Variants in NTRK2 observed in about 807,000 individuals in gnomAD.
NTRK2 encodes neurotrophic receptor tyrosine kinase 2, also known as BDNF/NT-3 growth factors receptor.
A neutral mutation model predicts 94.5 loss-of-function variants in NTRK2; 13 were observed. The observed-to-expected ratio is 0.14, with a 90% CI of 0.09 to 0.22. The LOEUF is 0.22. Among genes scored for constraint, NTRK2 ranks in the 10% least tolerant of loss-of-function variants. The pLI, the probability that NTRK2 is intolerant of heterozygous loss-of-function variation, is 1.00. For missense variants in NTRK2, 639 were observed against 1,071.2 expected, an observed-to-expected ratio of 0.60 and a Z score of 5.63; for synonymous variants, 372 against 407.4, an observed-to-expected ratio of 0.91 and a Z score of 1.05.
At chr9:85,007,247 A>T (rs950524675) in intron 17 of NTRK2, among the ~76,000 whole-genome samples, 4 of 152,254 alleles carry the variant, frequency 2.6e-5, no homozygotes, top group Non-Finnish European at 4.4e-5. Context: ...AGTAGAAGTT[A>T]GCCAGGTAAA....
chr9:84,955,832 A>T (rs953878487), intron 17 of NTRK2, among the ~76,000 whole-genome samples: 1 of 152,274 alleles, frequency 6.6e-6, no homozygotes, highest in Admixed American at 6.5e-5. Context: ...ATTGGATTGC[A>T]TCCCACCCTA....
rs1588175855 is a variant in NTRK2 at position 85,009,367 on chromosome 9, T to C, written c.2173-10839T>C. On this transcript the variant is annotated intron_variant, in intron 17 of 18. Coordinates refer to ENST00000277120, the MANE Select transcript of NTRK2 (RefSeq NM_006180.6). ...AACTGTTTACTTCTTTCTGCAGTAT[T>C]GGGATGCTTTGGTGGAAAGGTTTGA... Among the ~76,000 whole-genome samples, 7 of 152,340 alleles carry C rather than the reference T, an allele frequency of 4.6e-5. No individual in the cohort carries two copies. The South Asian group carries it at 1.5e-3, about 32-fold the overall frequency.
At chr9:84,997,784 T>TG (rs1366176618) in intron 17 of NTRK2, among the ~76,000 whole-genome samples, 1 of 152,078 alleles carries the variant, frequency 6.6e-6, no homozygotes, top group East Asian at 1.9e-4. Flanking sequence ...TGGGTGGGGC[T>TG]GGGGGGTGTT....
intron 14 of NTRK2, among the ~76,000 whole-genome samples, chr9:84,868,103 T>C (rs1025675523): frequency 2.6e-5 from 4 of 152,216 alleles, no homozygotes; most frequent in African/African-American, 9.6e-5. Context: ...ATATTAAATG[T>C]GTAGCACAGC....
In NTRK2 at chr9:84,907,624, A is replaced by G. The variant is rs76639176; in HGVS notation, c.1634-26538A>G. Among the ~76,000 whole-genome samples, 708 of 152,144 alleles carry G rather than the reference A, an allele frequency of 4.7e-3. 12 individuals are homozygous for G. Among genetic ancestry groups the G allele is most frequent in the Admixed American group, 0.037 (570 of 15,280 alleles). ...TTACACTAGCAACAAATACCTGGGA[A>G]TTAAAATAATGTGTGTCTGTTGATA... On this transcript the variant is annotated intron_variant, in intron 14 of 18. Transcript: ENST00000277120.
At chr9:84,773,573 T>TTCTC (rs1300292418) in intron 12 of NTRK2, among the ~76,000 whole-genome samples, 2 of 151,000 alleles carry the variant, frequency 1.3e-5, no homozygotes, top group Non-Finnish European at 3.0e-5. Context: ...CTCCTCTCTT[T>TTCTC]TCTCTCTCTC....
At position 84,752,040 on chromosome 9, in the gene NTRK2, C is replaced by T; in HGVS notation, c.1351C>T (p.Leu451=). 1.2e-6 allele frequency: 2 copies of T among 1,613,970 alleles called. No individual in the cohort carries two copies. Among genetic ancestry groups the T allele is most frequent in the Non-Finnish European group, 1.7e-6 (2 of 1,179,968 alleles). The change falls in exon 12 of 19, where the codon CTG becomes TTG. Residue 451 remains leucine (L), a synonymous_variant. Coordinates refer to ENST00000277120, the MANE Select transcript of NTRK2 (RefSeq NM_006180.6). ...SVVGFCLLVM[L]FLLKLARHSK... ...GGTGGGATTTTGCCTTTTGGTAATG[C>T]TGTTTCTGCTTAAGTTGGCAAGACA...
At chr9:84,711,702 G>A (rs377506744) in intron 6 of NTRK2, among the ~76,000 whole-genome samples, 13 of 152,256 alleles carry the variant, frequency 8.5e-5, no homozygotes, top group South Asian at 4.2e-4. Context: ...TTCGGAAGAC[G>A]CTATTATTTG....
intron 12 of NTRK2, among the ~76,000 whole-genome samples, chr9:84,846,768 G>T (rs2074492910): frequency 6.6e-6 from 1 of 152,180 alleles, no homozygotes; most frequent in Admixed American, 6.5e-5. Context: ...CACAAGCCTT[G>T]CCATGCAGGC....
chr9:84,694,650 T>G (rs1162114069), intron 2 of NTRK2, among the ~76,000 whole-genome samples: 2 of 152,182 alleles, frequency 1.3e-5, no homozygotes, highest in South Asian at 2.1e-4. Context: ...AGGGAATTTT[T>G]TTTTTAGAAA....
chr9:84,880,719 A>T (rs2076230308), intron 14 of NTRK2, among the ~76,000 whole-genome samples: 1 of 152,226 alleles, frequency 6.6e-6, no homozygotes, highest in Admixed American at 6.5e-5. Flanking sequence ...AAGTCTTTTA[A>T]TGGAGAGAGT....
intron 14 of NTRK2, chr9:84,877,251 T>G: frequency 1.9e-6 from 2 of 1,065,860 alleles, no homozygotes; most frequent in Non-Finnish European, 2.3e-6. Context: ...AGTGTCCTCT[T>G]TAGTTCTCTT....
rs564241612 is a variant in NTRK2 at position 84,958,637 on chromosome 9, C to G, written c.2172+3120C>G. Among the ~76,000 whole-genome samples the G allele has an allele frequency of 3.9e-5, 6 of 152,226 alleles. No homozygotes were observed. The South Asian group carries it at 8.3e-4, about 21-fold the overall frequency. ...TCCCATTCAGGATGAGGGAAAAGAA[C>G]CAGCCTTGCAATGGCCTCTGTTGCA... On this transcript the variant is annotated intron_variant, in intron 17 of 18. Coordinates refer to ENST00000277120, the MANE Select transcript of NTRK2 (RefSeq NM_006180.6).
rs186726901 is a variant in NTRK2, at chr9:84,812,020, C to T, written c.1397-49020C>T. 2.8e-4 allele frequency: 296 copies of T among 1,048,188 alleles called. 1 individual carries two copies. In the African/African-American group the frequency reaches 3.6e-3, roughly 13 times the overall value. 64.9% of individuals were successfully genotyped at this position (1,048,188 alleles called of 1,614,324 possible). On this transcript the variant is annotated intron_variant, in intron 12 of 18. Transcript: ENST00000277120. Reference sequence around the variant, plus strand: ...TCTGACAGTTAGACATGCACACAGACGCCATAGCTGGATTGGAAACATTGA... The same window carrying T: ...TCTGACAGTTAGACATGCACACAGATGCCATAGCTGGATTGGAAACATTGA...
intron 17 of NTRK2, among the ~76,000 whole-genome samples, chr9:84,982,133 C>T (rs527765090): frequency 2.0e-5 from 3 of 152,248 alleles, no homozygotes; most frequent in Admixed American, 1.3e-4. Context: ...CCCCATGGAA[C>T]GATGTTTCAG....
At chr9:84,724,511 T>C (rs1313872084) in intron 8 of NTRK2, among the ~76,000 whole-genome samples, 155 bp downstream of exon 8, 5 of 152,244 alleles carry the variant, frequency 3.3e-5, no homozygotes, top group African/African-American at 1.2e-4. Context: ...TCAGCCTCTT[T>C]TACTGTTCAA....
intron 12 of NTRK2, among the ~76,000 whole-genome samples, chr9:84,800,364 A>C (rs983362588): frequency 2.6e-5 from 4 of 152,018 alleles, no homozygotes; most frequent in Admixed American, 2.6e-4. Flanking sequence ...CCATCACACC[A>C]GCTAATTTTG....
intron 17 of NTRK2, among the ~76,000 whole-genome samples, chr9:84,976,229 G>T (rs1457546273): frequency 2.0e-5 from 3 of 152,180 alleles, no homozygotes; most frequent in Non-Finnish European, 4.4e-5. Context: ...AGCATGGTTG[G>T]GTTCTGGTGA....
At chr9:84,765,545 T>G (rs1251818300) in intron 12 of NTRK2, among the ~76,000 whole-genome samples, 1 of 152,158 alleles carries the variant, frequency 6.6e-6, no homozygotes, top group African/African-American at 2.4e-5. Flanking sequence ...TTACCTGGTT[T>G]GTGGCCAATC....
Sources: allele counts gnomAD v4.1 joint callset (sites outside exome capture counted in the v4.1 genomes callset), GRCh38; gene constraint gnomAD v4.1.1; transcripts MANE v1.5; gene names NCBI Gene and HGNC (gene_info 2026-07-23, HGNC 2026-07-21).